Variants in SACS observed in about 807,000 individuals in gnomAD.
The protein encoded by SACS is sacsin molecular chaperone.
A neutral mutation model predicts 348.0 loss-of-function variants in SACS; 197 were observed. The observed-to-expected ratio is 0.57, with a 90% CI of 0.50 to 0.64. The LOEUF is 0.64. Among genes scored for constraint, SACS ranks in the 30% least tolerant of loss-of-function variants. SACS has a pLI of 0.00. For missense variants in SACS, 4,999 were observed against 5,360.8 expected (o/e 0.93, Z 2.11); for synonymous variants, 1,985 against 1,910.6 (o/e 1.04, Z -1.02).
intron 9 of SACS, among the ~76,000 whole-genome samples, chr13:23,346,557 TTGA>T (rs1189883791): frequency 6.6e-6 from 1 of 152,222 alleles, no homozygotes; most frequent in African/African-American, 2.4e-5. Context: ...ACACCATTCT[TTGA>T]TTAGAGACTA....
At chr13:23,354,102 C>T (rs1055143977) in intron 8 of SACS, among the ~76,000 whole-genome samples, 5 of 152,234 alleles carry the variant, frequency 3.3e-5, no homozygotes, top group Non-Finnish European at 7.3e-5. Context: ...ATATTCTCAA[C>T]ATCTTACAGT....
intron 2 of SACS, among the ~76,000 whole-genome samples, chr13:23,403,955 C>T (rs1002927619): frequency 2.0e-5 from 3 of 152,154 alleles, no homozygotes; most frequent in African/African-American, 4.8e-5. Context: ...TCTTTGTTCT[C>T]ATTGGTTTCA....
chr13:23,364,927 G>A (rs374568026), intron 6 of SACS, among the ~76,000 whole-genome samples: 23 of 152,250 alleles, frequency 1.5e-4, no homozygotes, highest in African/African-American at 5.5e-4. Flanking sequence ...AGAATAAGAG[G>A]CTTTGGTCAT....
chr13:23,333,225 T>A lies in SACS; in HGVS notation c.10651A>T (p.Met3551Leu), dbSNP rs770752326. The change falls in exon 10 of 10, where the codon ATG becomes TTG. Residue 3551 changes from methionine to leucine, a missense_variant. By Grantham distance (15) the Met-to-Leu change is conservative. Transcript: ENST00000382292. ...GGAATAAACAATTTTTCAGGAAGCATAACTTCAAAAACTCTCACAGTTCTA... is the reference window on the plus strand; with the variant it reads ...GGAATAAACAATTTTTCAGGAAGCAAAACTTCAAAAACTCTCACAGTTCTA... ...YDRTVRVFEV[M>L]LPEKLFIPND... 1 of 1,598,192 alleles carries A rather than the reference T, an allele frequency of 6.3e-7. No individual in the cohort carries two copies. Among genetic ancestry groups the A allele is most frequent in the South Asian group, 1.1e-5 (1 of 87,750 alleles).
chr13:23,421,141 G>C (rs568419646), intron 1 of SACS, among the ~76,000 whole-genome samples: 1 of 151,950 alleles, frequency 6.6e-6, no homozygotes, highest in East Asian at 2.0e-4. Context: ...CTGGGCCCTG[G>C]GTGTGAGCGT....
rs372488932 is a variant in SACS at position 23,333,812 on chromosome 13, A to G, written c.10064T>C (p.Ile3355Thr). The G allele has an allele frequency of 1.9e-6, 3 of 1,613,856 alleles. No homozygotes were observed. Among genetic ancestry groups the G allele is most frequent in the South Asian group, 1.1e-5 (1 of 91,072 alleles). The change falls in exon 10 of 10, where the codon ATA (isoleucine) becomes ACA (threonine). Residue 3355 changes from isoleucine to threonine, a missense_variant. By Grantham distance (89) the Ile-to-Thr change is moderately conservative. This residue lies in a region of SACS where 734 missense variants were observed against 694.0 expected (regional missense o/e 1.06). Coordinates refer to ENST00000382292, the MANE Select transcript of SACS (RefSeq NM_014363.6). ...VPLLSCHTAN[I>T]ESPTSILKAL... ...CTTCAAGATGCTTGTGGGGCTCTCT[A>G]TATTTGCTGTGTGACATGACAACAA...
At chr13:23,402,545 G>A (rs938483068) in intron 2 of SACS, among the ~76,000 whole-genome samples, 1 of 152,124 alleles carries the variant, frequency 6.6e-6, no homozygotes, top group African/African-American at 2.4e-5. Context: ...TGTTCCCCTT[G>A]TAACAAGGCA....
intron 2 of SACS, among the ~76,000 whole-genome samples, chr13:23,408,823 G>A (rs1295276287): frequency 6.6e-6 from 1 of 151,592 alleles, no homozygotes; most frequent in African/African-American, 2.4e-5. Context: ...AAATTAGCCG[G>A]GCGTGGTGGT....
intron 1 of SACS, among the ~76,000 whole-genome samples, chr13:23,423,882 G>A (rs1313484702): frequency 6.6e-6 from 1 of 151,942 alleles, no homozygotes; most frequent in Non-Finnish European, 1.5e-5. Context: ...CAAGTTACAA[G>A]CACTCATTTT....
chr13:23,356,312 C>T (rs981786161), intron 7 of SACS, among the ~76,000 whole-genome samples: 3 of 152,156 alleles, frequency 2.0e-5, no homozygotes, highest in East Asian at 3.8e-4. Context: ...ATACACTTAA[C>T]CCCCACCACC....
At position 23,332,989 on chromosome 13, in the gene SACS, CAGA is replaced by C; in HGVS notation, c.10884_10886del (p.Leu3629del). On this transcript the variant is annotated inframe_deletion, in exon 10 of 10. Coordinates refer to ENST00000382292, the MANE Select transcript of SACS (RefSeq NM_014363.6). ...CCATTCGTTCTTGGAATATATGATG[CAGA>C]AGGATATCAACTGTATTTTGCAATG... 1 of 1,613,832 alleles carries C rather than the reference CAGA, an allele frequency of 6.2e-7. No homozygotes were observed. Among genetic ancestry groups the C allele is most frequent in the Admixed American group, 1.7e-5 (1 of 59,994 alleles).
At chr13:23,343,738 C>T (rs535235621) in intron 9 of SACS, among the ~76,000 whole-genome samples, 5 of 152,148 alleles carry the variant, frequency 3.3e-5, no homozygotes, top group South Asian at 2.1e-4. Flanking sequence ...AGAGGAATCC[C>T]GCCTCAGGCT....
In SACS at chr13:23,341,402, A is replaced by C; in HGVS notation, c.2474T>G (p.Leu825Ter). The C allele has an allele frequency of 6.2e-7, 1 of 1,611,464 alleles. No individual in the cohort carries two copies. Residue 825 changes from leucine to a stop codon, truncating the protein, a stop_gained, in exon 10 of 10, where the codon TTA becomes TGA. Transcript: ENST00000382292. LOFTEE classifies it high-confidence loss of function. ...VELIRLRIPS[L>*]VILDDESEAQ... ...TTCAGATTCATCGTCTAAAATGACTAACGATGGAATCCTGAGTCTAATGAG... is the reference window on the plus strand; with the variant it reads ...TTCAGATTCATCGTCTAAAATGACTCACGATGGAATCCTGAGTCTAATGAG...
At chr13:23,391,565 G>A (rs1872527330) in intron 2 of SACS, among the ~76,000 whole-genome samples, 1 of 110,072 alleles carries the variant, frequency 9.1e-6, no homozygotes. Context: ...CTCTACATCG[G>A]GACTCTGCGC....
At chr13:23,429,472 C>T (rs779164506) in intron 1 of SACS, among the ~76,000 whole-genome samples, 3 of 147,992 alleles carry the variant, frequency 2.0e-5, no homozygotes, top group Non-Finnish European at 4.5e-5. Flanking sequence ...ACGCCATTCT[C>T]CTGCCTCAGC....
intron 1 of SACS, among the ~76,000 whole-genome samples, chr13:23,431,042 C>A (rs118001550): frequency 0.013 from 2,055 of 152,270 alleles, 27 homozygotes; most frequent in Middle Eastern, 0.024. Flanking sequence ...ATAAGAAATA[C>A]TTGGGGTTCT....
chr13:23,422,981 T>G (rs79574053), intron 1 of SACS, among the ~76,000 whole-genome samples: 6,991 of 152,236 alleles, frequency 0.046, 429 homozygotes, highest in African/African-American at 0.14. Context: ...GAATGAAATG[T>G]GAGTTTCCAT....
chr13:23,408,565 G>C (rs1566106339), intron 2 of SACS, among the ~76,000 whole-genome samples: 2 of 152,218 alleles, frequency 1.3e-5, no homozygotes, highest in South Asian at 2.1e-4. Context: ...GCCAGGGCCT[G>C]AGAAGGCCCT....
chr13:23,422,608 A>G (rs1190925537), intron 1 of SACS, among the ~76,000 whole-genome samples: 1 of 151,710 alleles, frequency 6.6e-6, no homozygotes, highest in Admixed American at 6.6e-5. Context: ...TTGAATATCC[A>G]TCTCTAATAA....
Sources: gnomAD v4.1 joint callset for allele counts (sites outside exome capture counted in the v4.1 genomes callset) on GRCh38, gnomAD v4.1.1 for gene constraint, gnomAD v4.1.1 regional missense constraint, MANE v1.5 for transcripts, NCBI Gene and HGNC (gene_info 2026-07-23, HGNC 2026-07-21) for gene names.